Variants in HEMK2 observed in about 807,000 individuals in gnomAD.
HEMK2 encodes methyltransferase HEMK2.
At chr21:28,649,437 T>C in the HEMK2 span, among the ~76,000 whole-genome samples, 4 of 152,222 alleles carry the variant, frequency 2.6e-5, no homozygotes, top group Non-Finnish European at 5.9e-5. Context: ...CAATATTCAC[T>C]GAGCATCTAC....
the HEMK2 span, chr21:28,880,079 A>G: frequency 1.9e-6 from 1 of 522,478 alleles, no homozygotes; most frequent in East Asian, 3.2e-5. Context: ...ACGCTTGTAG[A>G]CAGAAATGAA....
the HEMK2 span, among the ~76,000 whole-genome samples, chr21:28,603,186 C>T: frequency 3.3e-5 from 5 of 152,306 alleles, no homozygotes; most frequent in Admixed American, 1.3e-4. Context: ...ATCCCCATCC[C>T]TGCCCTGCTT....
At chr21:28,702,019 A>T in the HEMK2 span, among the ~76,000 whole-genome samples, 17 of 152,144 alleles carry the variant, frequency 1.1e-4, no homozygotes, top group Admixed American at 3.3e-4. Flanking sequence ...GAGCTGAGAA[A>T]TAACGCAGCA....
the HEMK2 span, among the ~76,000 whole-genome samples, chr21:28,759,596 G>T: frequency 6.6e-6 from 1 of 152,072 alleles, no homozygotes; most frequent in African/African-American, 2.4e-5. Context: ...GAGGGGCCGG[G>T]GGTGGAATCT....
chr21:28,858,583 G>A, the HEMK2 span, among the ~76,000 whole-genome samples: 1 of 152,048 alleles, frequency 6.6e-6, no homozygotes, highest in Admixed American at 6.5e-5. Flanking sequence ...AGGGAGGAAG[G>A]AAGGAAGGAG....
At chr21:28,708,469 C>T in the HEMK2 span, among the ~76,000 whole-genome samples, 3 of 151,766 alleles carry the variant, frequency 2.0e-5, no homozygotes, top group Non-Finnish European at 2.9e-5. Context: ...GGTTATAATC[C>T]CAGGGATGAA....
chr21:28,826,322 T>C, the HEMK2 span, among the ~76,000 whole-genome samples: 2 of 152,152 alleles, frequency 1.3e-5, no homozygotes, highest in East Asian at 3.8e-4. Context: ...CCATGTTCTT[T>C]TGGTTTCCTT....
At chr21:28,778,361 T>G in the HEMK2 span, among the ~76,000 whole-genome samples, 4 of 152,360 alleles carry the variant, frequency 2.6e-5, no homozygotes, top group East Asian at 7.7e-4. Flanking sequence ...ACTATTCGTT[T>G]GCTGAAGGCA....
chr21:28,694,317 T>C, the HEMK2 span, among the ~76,000 whole-genome samples: 1 of 152,254 alleles, frequency 6.6e-6, no homozygotes, highest in Non-Finnish European at 1.5e-5. Flanking sequence ...TATAAGTCTG[T>C]GTGCAATATC....
the HEMK2 span, among the ~76,000 whole-genome samples, chr21:28,681,203 G>T: frequency 6.6e-6 from 1 of 152,172 alleles, no homozygotes; most frequent in Admixed American, 6.5e-5. Flanking sequence ...CTTCAGCAAA[G>T]TCTCAGGATA....
At chr21:28,631,305 T>C in the HEMK2 span, among the ~76,000 whole-genome samples, 1 of 152,214 alleles carries the variant, frequency 6.6e-6, no homozygotes, top group Non-Finnish European at 1.5e-5. Flanking sequence ...CTGGAAATTC[T>C]TTAGCAAATG....
the HEMK2 span, among the ~76,000 whole-genome samples, chr21:28,747,765 A>G: frequency 6.6e-6 from 1 of 152,364 alleles, no homozygotes; most frequent in Middle Eastern, 3.4e-3. Context: ...CAACATGGAT[A>G]GGACATCTTA....
chr21:28,735,479 A>G, the HEMK2 span, among the ~76,000 whole-genome samples: 1 of 152,168 alleles, frequency 6.6e-6, no homozygotes, highest in Non-Finnish European at 1.5e-5. Flanking sequence ...CTTATCACAA[A>G]GCTCCCTCCA....
the HEMK2 span, among the ~76,000 whole-genome samples, chr21:28,834,930 G>A: frequency 4.1e-4 from 62 of 152,078 alleles, no homozygotes; most frequent in African/African-American, 1.4e-3. Context: ...AATCCTCCTA[G>A]GTACACAACT....
At chr21:28,752,605 T>G in the HEMK2 span, among the ~76,000 whole-genome samples, 4 of 152,342 alleles carry the variant, frequency 2.6e-5, no homozygotes, top group African/African-American at 7.2e-5. Context: ...CTGTGGATAC[T>G]GAGTGTCCAC....
chr21:28,755,199 T>C, the HEMK2 span, among the ~76,000 whole-genome samples: 1 of 152,130 alleles, frequency 6.6e-6, no homozygotes, highest in Non-Finnish European at 1.5e-5. Flanking sequence ...ACCTAGAAAA[T>C]GTACTACAGT....
the HEMK2 span, among the ~76,000 whole-genome samples, chr21:28,666,893 A>G: frequency 6.6e-6 from 1 of 152,178 alleles, no homozygotes; most frequent in South Asian, 2.1e-4. Context: ...ATGGGAACAA[A>G]TAGAAAAAAC....
At chr21:28,677,782 A>G in the HEMK2 span, among the ~76,000 whole-genome samples, 1 of 152,242 alleles carries the variant, frequency 6.6e-6, no homozygotes, top group African/African-American at 2.4e-5. Context: ...TACCCAGGCA[A>G]ACAGCGTCTG....
chr21:28,642,903 G>C, the HEMK2 span, among the ~76,000 whole-genome samples: 4 of 152,184 alleles, frequency 2.6e-5, no homozygotes, highest in Admixed American at 6.5e-5. Flanking sequence ...CACAGGATGG[G>C]GGCAAGGCAG....
Sources: allele counts gnomAD v4.1 joint callset (sites outside exome capture counted in the v4.1 genomes callset), GRCh38; gene constraint gnomAD v4.1.1; transcripts MANE v1.5; gene names NCBI Gene and HGNC (gene_info 2026-07-23, HGNC 2026-07-21).